Variants in PCDHA4 observed in about 807,000 individuals in gnomAD.
PCDHA4 encodes protocadherin alpha-4.
PCDHA4 carries 49 observed loss-of-function variants against 61.4 expected under a neutral mutation model. The observed-to-expected ratio is 0.80, with a 90% CI of 0.63 to 1.01. The LOEUF (loss-of-function observed/expected upper bound fraction) is 1.01, where lower values mean the gene tolerates loss of function less well. Among genes scored for constraint, PCDHA4 ranks in the 50% least tolerant of loss-of-function variants. The probability of loss-of-function intolerance (pLI) is 0.00; values close to 1 mark genes in which losing one functional copy is unlikely to be tolerated. For missense variants in PCDHA4, 1,254 were observed against 1,235.8 expected, an observed-to-expected ratio of 1.01 and a Z score of -0.22; for synonymous variants, 590 against 550.3, an observed-to-expected ratio of 1.07 and a Z score of -1.01.
chr5:140,965,445 G>T (rs1460508023), intron 1 of PCDHA4, among the ~76,000 whole-genome samples: 1 of 151,794 alleles, frequency 6.6e-6, no homozygotes, highest in Non-Finnish European at 1.5e-5. Flanking sequence ...TGAAATTGCT[G>T]GTTATTGTAA....
rs140138948 is a variant in PCDHA4 at position 140,849,650 on chromosome 5, T to G, written c.2385+40078T>G. The G allele has an allele frequency of 0.022, 35,883 of 1,598,700 alleles. 3,605 individuals carry two copies. The highest frequency in any genetic ancestry group is 0.044 in the Middle Eastern group (261 of 5,946). On this transcript the variant is annotated intron_variant, in intron 1 of 3. Coordinates refer to ENST00000530339, the MANE Select transcript of PCDHA4 (RefSeq NM_018907.4). The stretch of plus-strand genomic sequence containing the variant: ...TAGACGCAGATGCCAACGGGCAGGT[T>G]ACCTGCTCCCTGACGCCCCACGTCC...
At chr5:140,966,172 G>A in intron 1 of PCDHA4, 1 of 184,672 alleles carries the variant, frequency 5.4e-6, no homozygotes, top group East Asian at 1.4e-4. Context: ...TTTTCCTGGG[G>A]AGCTGATAGC....
At chr5:140,966,678 C>G (rs2096036369) in intron 1 of PCDHA4, 8 of 1,313,236 alleles carry the variant, frequency 6.1e-6, no homozygotes, top group Non-Finnish European at 2.9e-6. Context: ...CAGGGTGGCA[C>G]GAGCGGAGGC....
chr5:140,823,408 G>A lies in PCDHA4; in HGVS notation c.2385+13836G>A, dbSNP rs143450009. On this transcript the variant is annotated intron_variant, in intron 1 of 3. Coordinates refer to ENST00000530339, the MANE Select transcript of PCDHA4 (RefSeq NM_018907.4). ...GCGCGACGCGGGCGTGCCGCCTCTGGGCAGCAACGTGACGCTGCAGGTGTT... is the reference window on the plus strand; with the variant it reads ...GCGCGACGCGGGCGTGCCGCCTCTGAGCAGCAACGTGACGCTGCAGGTGTT... 1.1e-4 allele frequency: 171 copies of A among 1,613,150 alleles called. No homozygotes were observed. The African/African-American group carries it at 1.9e-3, about 18-fold the overall frequency.
At chr5:140,927,051 G>C (rs1554203978) in intron 1 of PCDHA4, 1 of 1,611,998 alleles carries the variant, frequency 6.2e-7, no homozygotes, top group Non-Finnish European at 8.5e-7. Flanking sequence ...TGTCCTCGCG[G>C]AACTTTCGCT....
chr5:140,844,849 G>T, intron 1 of PCDHA4, among the ~76,000 whole-genome samples: 1 of 148,746 alleles, frequency 6.7e-6, no homozygotes, highest in African/African-American at 2.5e-5. Flanking sequence ...TGTGACTGTT[G>T]GACCTGCCTG....
Position 140,913,960 on chromosome 5 carries a change from T to TA in PCDHA4, c.2386-64982dup, listed in dbSNP as rs201352444. 7.9e-3 allele frequency among the ~76,000 whole-genome samples: 1,207 copies of TA among 152,282 alleles called. 5 individuals are homozygous for TA. Among genetic ancestry groups the TA allele is most frequent in the African/African-American group, 0.019 (780 of 41,560 alleles). ...AAGAATCTTGATATGATATCATTTT[T>TA]AAAAAAATATTTTAGGACTTGTATT... On this transcript the variant is annotated intron_variant, in intron 1 of 3. Transcript: ENST00000530339.
intron 1 of PCDHA4, chr5:140,851,739 C>T: frequency 1.0e-6 from 1 of 971,880 alleles, no homozygotes; most frequent in Non-Finnish European, 1.2e-6. Context: ...TTTTGAAATT[C>T]AGAGTCTGTA....
intron 1 of PCDHA4, among the ~76,000 whole-genome samples, chr5:140,939,231 G>A (rs1305244022): frequency 6.6e-6 from 1 of 152,134 alleles, no homozygotes; most frequent in East Asian, 1.9e-4. Context: ...TCACCTTCTG[G>A]AAGGAGCAAG....
chr5:140,893,853 G>C (rs1395145943), intron 1 of PCDHA4, among the ~76,000 whole-genome samples: 1 of 152,050 alleles, frequency 6.6e-6, no homozygotes. Context: ...CCTACCTCTT[G>C]TATAGAAACA....
intron 3 of PCDHA4, among the ~76,000 whole-genome samples, chr5:140,983,234 G>C (rs1021819523): frequency 6.6e-6 from 1 of 152,196 alleles, no homozygotes; most frequent in Non-Finnish European, 1.5e-5. Context: ...TTTCAGGAAA[G>C]AGAACCTGCT....
intron 1 of PCDHA4, chr5:140,836,768 A>AT: frequency 5.1e-6 from 8 of 1,555,112 alleles, no homozygotes; most frequent in Non-Finnish European, 7.0e-6. Context: ...GTTTCCAACA[A>AT]TTTTAAAACA....
chr5:140,843,200 T>C (rs1554139863), intron 1 of PCDHA4: 1 of 1,595,954 alleles, frequency 6.3e-7, no homozygotes, highest in Non-Finnish European at 8.6e-7. Context: ...CGTGGGGCTG[T>C]ACACGGGCGA....
intron 1 of PCDHA4, chr5:140,823,126 G>T: frequency 6.2e-7 from 1 of 1,614,022 alleles, no homozygotes; most frequent in African/African-American, 1.3e-5. Context: ...GAACGACAAC[G>T]CTCCGGCGTT....
intron 1 of PCDHA4, chr5:140,828,662 C>G: frequency 3.7e-6 from 6 of 1,614,124 alleles, no homozygotes; most frequent in Non-Finnish European, 5.1e-6. Context: ...TGACAATAAA[C>G]AAATTGGGCT....
chr5:140,854,123 CT>C (rs1554147020), intron 1 of PCDHA4: 1 of 348,562 alleles, frequency 2.9e-6, no homozygotes, highest in Non-Finnish European at 3.9e-6. Context: ...GATGGCACAA[CT>C]GCATTTCAGC....
rs550730996 is a variant in PCDHA4, at chr5:140,982,280, G to T, written c.2445-195G>T. The T allele has an allele frequency of 2.1e-5, 21 of 1,007,278 alleles. No homozygotes were observed. The Admixed American group carries it at 5.3e-4, about 25-fold the overall frequency. 62.4% of individuals were successfully genotyped at this position (1,007,278 alleles called of 1,614,324 possible). A position where few individuals can be genotyped will look rare whatever the true frequency, so the allele number is the denominator to read the frequency against. ...GTGTGTTCCTGGAATAGTATAGCAGGCAATAAGTAAGTCAGCAATGCTTCT... is the reference window on the plus strand; with the variant it reads ...GTGTGTTCCTGGAATAGTATAGCAGTCAATAAGTAAGTCAGCAATGCTTCT... On this transcript the variant is annotated intron_variant, in intron 2 of 3. Transcript: ENST00000530339.
chr5:140,895,500 G>A (rs1554186539), intron 1 of PCDHA4, among the ~76,000 whole-genome samples: 2 of 152,046 alleles, frequency 1.3e-5, no homozygotes, highest in African/African-American at 2.4e-5. Context: ...CAGAACTTTT[G>A]CCCAATTTTT....
At position 140,923,025 on chromosome 5, in the gene PCDHA4, C is replaced by G. The variant is rs547252764; in HGVS notation, c.2386-55924C>G. ...GGTTGTTGGACTGCAGTTTCGGACTCTATTACTACATGTATAGTATTTAGA... is the reference window on the plus strand; with the variant it reads ...GGTTGTTGGACTGCAGTTTCGGACTGTATTACTACATGTATAGTATTTAGA... On this transcript the variant is annotated intron_variant, in intron 1 of 3. Coordinates refer to ENST00000530339, the MANE Select transcript of PCDHA4 (RefSeq NM_018907.4). 2.6e-5 allele frequency among the ~76,000 whole-genome samples: 4 copies of G among 152,296 alleles called. No homozygotes were observed. The East Asian group carries it at 7.7e-4, about 29-fold the overall frequency.
Sources: gnomAD v4.1 joint callset for allele counts (sites outside exome capture counted in the v4.1 genomes callset) on GRCh38, gnomAD v4.1.1 for gene constraint, MANE v1.5 for transcripts, NCBI Gene and HGNC (gene_info 2026-07-23, HGNC 2026-07-21) for gene names.